The following GNS variants were observed in gnomAD, a reference collection of about 807,000 sequenced individuals.
The protein encoded by GNS is N-acetylglucosamine-6-sulfatase.
In GNS, 40 loss-of-function variants were observed where a neutral mutation model predicts 69.7. That is an observed-to-expected ratio of 0.57 (90% confidence interval 0.45 to 0.75). The LOEUF (loss-of-function observed/expected upper bound fraction) is 0.75, where lower values mean the gene tolerates loss of function less well. GNS is among the 30% of genes least tolerant of loss of function. The probability of loss-of-function intolerance (pLI) is 0.00; values close to 1 mark genes in which losing one functional copy is unlikely to be tolerated. For synonymous variants in GNS, 243 were observed against 251.6 expected (o/e 0.97, Z 0.32); for missense variants, 565 against 685.5 (o/e 0.82, Z 1.96).
Position 64,713,890 on chromosome 12 carries a change from G to A in GNS, c.*2851C>T, listed in dbSNP as rs1445512017. On this transcript the variant is annotated 3_prime_UTR_variant, in exon 14 of 14. Transcript: ENST00000258145. ...CTCACACCCGTAATCCCAGCACTTT[G>A]GGAGGCCGAGAAAGGTGGATCACCT... 1.3e-5 allele frequency: 2 copies of A among 152,242 alleles called. No homozygotes were observed. Among genetic ancestry groups the A allele is most frequent in the Non-Finnish European group, 2.9e-5 (2 of 68,084 alleles). 9.4% of individuals were successfully genotyped at this position (152,242 alleles called of 1,614,324 possible). A position where few individuals can be genotyped will look rare whatever the true frequency, so the allele number is the denominator to read the frequency against.
intron 2 of GNS, among the ~76,000 whole-genome samples, chr12:64,749,097 G>C (rs1476090144): frequency 6.6e-6 from 1 of 150,704 alleles, no homozygotes; most frequent in Non-Finnish European, 1.5e-5. Flanking sequence ...CCGCCACCAT[G>C]CCTGGCTAAT....
rs1869296707 is a variant in GNS at position 64,728,940 on chromosome 12, A to C, written c.1200+16T>G. On this transcript the variant is annotated intron_variant, in intron 10 of 13. Transcript: ENST00000258145. ...TGCGGTCTTGGCTCAGGCCTGATTG[A>C]GGGCGCTATACTTACCAAAATGGGC... 2 of 1,176,522 alleles carry C rather than the reference A, an allele frequency of 1.7e-6. No homozygotes were observed. Among genetic ancestry groups the C allele is most frequent in the South Asian group, 1.2e-5 (1 of 82,486 alleles). 72.9% of individuals were successfully genotyped at this position (1,176,522 alleles called of 1,614,324 possible). A position where few individuals can be genotyped will look rare whatever the true frequency, so the allele number is the denominator to read the frequency against.
chr12:64,745,771 C>G, intron 3 of GNS, 47 bp from the exon 4 acceptor site: 1 of 1,165,156 alleles, frequency 8.6e-7, no homozygotes, highest in Non-Finnish European at 1.3e-6. Context: ...TTAGATATGA[C>G]CAGACCAGAA....
At chr12:64,737,932 A>T (rs536137815) in intron 8 of GNS, among the ~76,000 whole-genome samples, 47 of 152,228 alleles carry the variant, frequency 3.1e-4, no homozygotes, top group African/African-American at 1.1e-3. Context: ...ACAAAGACCC[A>T]CTTCTCCCTG....
At chr12:64,735,027 G>T (rs891840065) in intron 9 of GNS, among the ~76,000 whole-genome samples, 1 of 152,076 alleles carries the variant, frequency 6.6e-6, no homozygotes, top group Admixed American at 6.5e-5. Context: ...GGACAATAGC[G>T]TGAACCCAGG....
chr12:64,726,928 TA>T (rs35762506), intron 10 of GNS, among the ~76,000 whole-genome samples: 91,542 of 147,224 alleles, frequency 0.62, 28,227 homozygotes, highest in East Asian at 0.87. Flanking sequence ...AATAACACAA[TA>T]AAAAAAAAAA....
chr12:64,743,171 T>C lies in GNS; in HGVS notation c.762A>G (p.Pro254=), dbSNP rs2136247555. 1.2e-6 allele frequency: 2 copies of C among 1,613,828 alleles called. No homozygotes were observed. The highest frequency in any genetic ancestry group is 2.2e-5 in the South Asian group (2 of 91,086). ...YQKAFQNVFA[P]RNKNFNIHGT... is the part of the protein sequence containing the mutation. ...CATGGATGTTGAAGTTCTTGTTTCT[T>C]GGTGCAAAGACATTCTGGAAAGCCT... Residue 254 remains proline, a synonymous_variant, in exon 6 of 14, where the codon CCA becomes CCG. Transcript: ENST00000258145.
In GNS at chr12:64,721,587, C is replaced by T. The variant is rs760970543; in HGVS notation, c.1419+8G>A. On this transcript the variant is annotated splice_region_variant and intron_variant, in intron 12 of 13. Coordinates refer to ENST00000258145, the MANE Select transcript of GNS (RefSeq NM_002076.4). Reference sequence around the variant, plus strand: ...AGCGGGGGAAGTGCAGGCAGAAGTCCCTCTTACCTCCTGGTCATCAAACTC... The same window carrying T: ...AGCGGGGGAAGTGCAGGCAGAAGTCTCTCTTACCTCCTGGTCATCAAACTC... 63 of 1,306,108 alleles carry T rather than the reference C, an allele frequency of 4.8e-5. No homozygotes were observed. The South Asian group carries it at 7.3e-4, about 15-fold the overall frequency. The allele number at this position is 1,306,108 out of a possible 1,614,324, so 80.9% of individuals were successfully genotyped here.
intron 10 of GNS, among the ~76,000 whole-genome samples, chr12:64,723,567 A>G (rs1470083285): frequency 1.3e-5 from 2 of 152,256 alleles, no homozygotes; most frequent in Non-Finnish European, 2.9e-5. Context: ...AAAGACTGTA[A>G]CAGGTTCAAA....
intron 8 of GNS, among the ~76,000 whole-genome samples, 189 bp downstream of exon 8, chr12:64,739,192 A>G (rs555940309): frequency 1.3e-5 from 2 of 152,252 alleles, no homozygotes; most frequent in African/African-American, 4.8e-5. Context: ...TGAAACAGCA[A>G]ATAATGAAAC....
intron 2 of GNS, among the ~76,000 whole-genome samples, chr12:64,748,933 CATTTTT>C (rs1200252008): frequency 6.6e-5 from 10 of 152,224 alleles, no homozygotes; most frequent in South Asian, 4.1e-4. Context: ...TTTGATTTGG[CATTTTT>C]ATTTTTATTT....
At chr12:64,722,041 T>G (rs1438750661) in intron 11 of GNS, among the ~76,000 whole-genome samples, 1 of 151,956 alleles carries the variant, frequency 6.6e-6, no homozygotes, top group Non-Finnish European at 1.5e-5. Context: ...TTTTTTTTTT[T>G]GCGATGGAGT....
At chr12:64,757,619 A>C (rs1317004817) in intron 1 of GNS, among the ~76,000 whole-genome samples, 1 of 152,184 alleles carries the variant, frequency 6.6e-6, no homozygotes, top group Non-Finnish European at 1.5e-5. Flanking sequence ...TCAGCTATAA[A>C]AGACTCTCAA....
chr12:64,729,751 T>C (rs1269547411), intron 9 of GNS, among the ~76,000 whole-genome samples: 1 of 152,148 alleles, frequency 6.6e-6, no homozygotes, highest in African/African-American at 2.4e-5. Context: ...CAGGGCCTAA[T>C]CCAGAGTAGC....
chr12:64,759,206 G>C lies in GNS; in HGVS notation c.71C>G (p.Pro24Arg), dbSNP rs1458919873. The change falls in exon 1 of 14, where the codon CCA becomes CGA. Residue 24 changes from proline to arginine, a missense_variant. By Grantham distance (103) the Pro-to-Arg change is moderately radical (BLOSUM62 -2). Around this residue, in one of 2 missense-constraint regions of GNS, gnomAD observed 181 missense variants for 174.4 expected, o/e 1.04. Transcript: ENST00000258145. ...GCCCAGCACCAGCAGTAGCAGCGCT[G>C]GGCTGCAGGAGGGCAGGTGGCGGGG... ...GSPRHLPSCS[P>R]ALLLLVLGGC... The C allele has an allele frequency of 6.5e-7, 1 of 1,547,876 alleles. No individual in the cohort carries two copies. Among genetic ancestry groups the C allele is most frequent in the Non-Finnish European group, 8.7e-7 (1 of 1,146,030 alleles).
rs1869885742 is a variant in GNS, at chr12:64,745,930, A to C, written c.460-206T>G. On this transcript the variant is annotated intron_variant, in intron 3 of 13. Transcript: ENST00000258145. ...TTGGCAAACTACAGCCAGTGAGCCA[A>C]ATCTGGCCTGATGACTTTTGTATGA... 3 of 575,164 alleles carry C rather than the reference A, an allele frequency of 5.2e-6. No homozygotes were observed. In the South Asian group the frequency reaches 6.8e-5, roughly 13 times the overall value. The allele number at this position is 575,164 out of a possible 1,614,324, so 35.6% of individuals were successfully genotyped here. A position where few individuals can be genotyped will look rare whatever the true frequency, so the allele number is the denominator to read the frequency against.
At chr12:64,719,981 GA>G in intron 13 of GNS, 40 bp downstream of exon 13, 2 of 1,476,114 alleles carry the variant, frequency 1.4e-6, no homozygotes, top group Non-Finnish European at 1.9e-6. Flanking sequence ...ATGTCTACTA[GA>G]AAAAACTTGG....
At position 64,748,795 on chromosome 12, in the gene GNS, T is replaced by A. The variant is rs118004343; in HGVS notation, c.253-877A>T. Among the ~76,000 whole-genome samples the A allele has an allele frequency of 1.1e-4, 17 of 152,230 alleles. No homozygotes were observed. The East Asian group carries it at 3.1e-3, about 28-fold the overall frequency. On this transcript the variant is annotated intron_variant, in intron 2 of 13. Transcript: ENST00000258145. Reference sequence around the variant, plus strand: ...CAGAAAGGTAATACTAGCTTATACTTGGACCAGCAGGGAAGGAATACTAGC... The same window carrying A: ...CAGAAAGGTAATACTAGCTTATACTAGGACCAGCAGGGAAGGAATACTAGC...
intron 8 of GNS, among the ~76,000 whole-genome samples, chr12:64,737,335 T>TA (rs1869585118): frequency 6.6e-6 from 1 of 152,140 alleles, no homozygotes; most frequent in Non-Finnish European, 1.5e-5. Context: ...TGGCTTATGA[T>TA]AGAACAAAAT....
Sources: allele counts gnomAD v4.1 joint callset (sites outside exome capture counted in the v4.1 genomes callset), GRCh38; gene constraint gnomAD v4.1.1; regional missense constraint gnomAD v4.1.1; transcripts MANE v1.5; gene names NCBI Gene and HGNC (gene_info 2026-07-23, HGNC 2026-07-21).